CACNA2D4: variants seen among roughly 807,000 people sequenced by gnomAD.
CACNA2D4 encodes the protein voltage-dependent calcium channel subunit alpha-2/delta-4.
In CACNA2D4, 157 loss-of-function variants were observed where a neutral mutation model predicts 163.8. The observed-to-expected ratio is 0.96, with a 90% CI of 0.84 to 1.09. CACNA2D4 has a LOEUF of 1.09. CACNA2D4 is among the 50% of genes least tolerant of loss of function. The probability of loss-of-function intolerance (pLI) is 0.00; values close to 1 mark genes in which losing one functional copy is unlikely to be tolerated. For missense variants in CACNA2D4, 1,410 were observed against 1,479.9 expected (o/e 0.95, Z 0.78); for synonymous variants, 598 against 586.9 (o/e 1.02, Z -0.27).
chr12:1,854,614 C>A (rs1032530227), intron 22 of CACNA2D4, among the ~76,000 whole-genome samples: 1 of 152,146 alleles, frequency 6.6e-6, no homozygotes, highest in Non-Finnish European at 1.5e-5. Context: ...CTATGTTGGC[C>A]AGGCTGATCT....
chr12:1,867,492 C>T (rs939568212), intron 18 of CACNA2D4, among the ~76,000 whole-genome samples: 2 of 152,054 alleles, frequency 1.3e-5, no homozygotes, highest in Non-Finnish European at 2.9e-5. Context: ...GGAAGCCTAT[C>T]CAGTAAAGCT....
chr12:1,904,858 T>C (rs763491678), intron 6 of CACNA2D4, among the ~76,000 whole-genome samples: 1 of 152,052 alleles, frequency 6.6e-6, no homozygotes, highest in Non-Finnish European at 1.5e-5. Flanking sequence ...TTAAGGCTTA[T>C]AGAAAACAAA....
rs1865862637 is a variant in CACNA2D4, at chr12:1,875,392, GT to G, written c.1720-56del. ...TGTGGTCAGTATACGTCCTGCTCAA[GT>G]TTATCTCTTCTACAAAGCCTTTCAG... On this transcript the variant is annotated intron_variant, in intron 16 of 37. Transcript: ENST00000382722. This position sits in a 1 kb window ranked among gnomAD's most constrained non-coding sequence, Gnocchi z 4.0. 1.0e-5 allele frequency: 11 copies of G among 1,095,164 alleles called. No homozygotes were observed. Among genetic ancestry groups the G allele is most frequent in the Non-Finnish European group, 1.4e-6 (1 of 707,580 alleles). The allele number at this position is 1,095,164 out of a possible 1,614,324, so 67.8% of individuals were successfully genotyped here.
Position 1,884,748 on chromosome 12 carries a change from G to T in CACNA2D4, c.1272+20C>A, listed in dbSNP as rs1351388178. On this transcript the variant is annotated intron_variant, in intron 11 of 37. Transcript: ENST00000382722. Reference sequence around the variant, plus strand: ...AGCAGGAGAAGCTTTTTTCTCCCTGGACACCCGTGGGAGGGTCACCTTACA... The same window carrying T: ...AGCAGGAGAAGCTTTTTTCTCCCTGTACACCCGTGGGAGGGTCACCTTACA... 1.4e-5 allele frequency: 22 copies of T among 1,548,546 alleles called. No homozygotes were observed. Among genetic ancestry groups the T allele is most frequent in the Non-Finnish European group, 1.9e-5 (21 of 1,123,634 alleles).
At position 1,840,930 on chromosome 12, in the gene CACNA2D4, T is replaced by C. The variant is rs568555086; in HGVS notation, c.2471-111A>G. ...GGAATAAAAGCAGGCGAAGGCATCC[T>C]TGGAAGAATTGAGGCGAGGGTGGGG... On this transcript the variant is annotated intron_variant, in intron 25 of 37. Transcript: ENST00000382722. The C allele has an allele frequency of 2.5e-5, 23 of 932,478 alleles. 1 individual carries two copies. In the South Asian group the frequency reaches 2.9e-4, roughly 12 times the overall value. The allele number at this position is 932,478 out of a possible 1,614,324, so 57.8% of individuals were successfully genotyped here.
rs77797968 is a variant in CACNA2D4 at position 1,853,316 on chromosome 12, A to C, written c.2246+635T>G. On this transcript the variant is annotated intron_variant, in intron 23 of 37. Transcript: ENST00000382722. ...TTTTCAATAGGAGACTGTCCCTATA[A>C]AATTCTGTAGGTGTTTTTTATTAGG... is the stretch of plus-strand genomic sequence containing the variant. Among the ~76,000 whole-genome samples, 515 of 152,326 alleles carry C rather than the reference A, an allele frequency of 3.4e-3. 2 individuals are homozygous for C. The highest frequency in any genetic ancestry group is 0.022 in the East Asian group (112 of 5,184).
chr12:1,904,652 G>A (rs1866613280), intron 6 of CACNA2D4, among the ~76,000 whole-genome samples: 1 of 152,006 alleles, frequency 6.6e-6, no homozygotes, highest in African/African-American at 2.4e-5. Flanking sequence ...GTATGTTATT[G>A]AAGTTAAGCT....
intron 26 of CACNA2D4, among the ~76,000 whole-genome samples, chr12:1,824,549 G>A (rs1213526702): frequency 1.3e-5 from 2 of 152,216 alleles, no homozygotes; most frequent in Non-Finnish European, 2.9e-5. Context: ...CTAGGACTGG[G>A]TTAGGAGCAG....
chr12:1,846,392 G>T (rs552410760), intron 24 of CACNA2D4, among the ~76,000 whole-genome samples: 1 of 150,922 alleles, frequency 6.6e-6, no homozygotes, highest in African/African-American at 2.5e-5. Context: ...TGTCAATCCC[G>T]ATCCGTAAGC....
At position 1,875,104 on chromosome 12, in the gene CACNA2D4, T is replaced by A; in HGVS notation, c.1806+147A>T. The stretch of plus-strand genomic sequence containing the variant: ...AGAATTGCTCATTTTAGGCATTGCT[T>A]GTGGCTTGAGCTTGGAAAGGCTCTG... On this transcript the variant is annotated intron_variant, in intron 17 of 37. Transcript: ENST00000382722. The surrounding 1 kb of genome is among the most constrained non-coding windows in gnomAD (Gnocchi z 4.0). The A allele has an allele frequency of 1.6e-6, 1 of 635,482 alleles. No homozygotes were observed. The highest frequency in any genetic ancestry group is 2.9e-6 in the Non-Finnish European group (1 of 347,648). 39.4% of individuals were successfully genotyped at this position (635,482 alleles called of 1,614,324 possible).
intron 29 of CACNA2D4, among the ~76,000 whole-genome samples, chr12:1,803,962 G>C (rs1046506085): frequency 1.3e-5 from 2 of 152,212 alleles, no homozygotes; most frequent in African/African-American, 4.8e-5. Flanking sequence ...CGGGACAGCA[G>C]GGAGGGTCAA....
At chr12:1,896,529 A>G (rs1288550636) in intron 6 of CACNA2D4, among the ~76,000 whole-genome samples, 2 of 152,062 alleles carry the variant, frequency 1.3e-5, no homozygotes, top group Non-Finnish European at 1.5e-5. Flanking sequence ...AATGCTCAAT[A>G]TCACGAATCA....
At chr12:1,898,798 G>T (rs946352668) in intron 6 of CACNA2D4, among the ~76,000 whole-genome samples, 33 of 151,970 alleles carry the variant, frequency 2.2e-4, no homozygotes, top group African/African-American at 7.3e-4. Context: ...TGGACCTTAA[G>T]GGCATTATGC....
At chr12:1,842,404 C>G (rs1865045429) in intron 25 of CACNA2D4, among the ~76,000 whole-genome samples, 1 of 152,228 alleles carries the variant, frequency 6.6e-6, no homozygotes, top group Non-Finnish European at 1.5e-5. Flanking sequence ...CTGGAGGCAG[C>G]TCGTCCTCTT....
chr12:1,831,579 C>A, intron 26 of CACNA2D4: 1 of 1,439,952 alleles, frequency 6.9e-7, no homozygotes, highest in Non-Finnish European at 9.6e-7. Flanking sequence ...TCACCTCTGG[C>A]CCCACACTTT....
rs1167275068 is a variant in CACNA2D4, at chr12:1,802,247, G to A, written c.2722-603C>T. 2.6e-5 allele frequency among the ~76,000 whole-genome samples: 4 copies of A among 152,000 alleles called. No homozygotes were observed. Among genetic ancestry groups the A allele is most frequent in the African/African-American group, 7.2e-5 (3 of 41,380 alleles). ...TCCCCTCCATGACAATGACCTAACCGGATCCCTTGCCCTGTCTCCATTGCC... is the reference window on the plus strand; with the variant it reads ...TCCCCTCCATGACAATGACCTAACCAGATCCCTTGCCCTGTCTCCATTGCC... On this transcript the variant is annotated intron_variant, in intron 29 of 37. Coordinates refer to ENST00000382722, the MANE Select transcript of CACNA2D4 (RefSeq NM_172364.5). This position sits in a 1 kb window ranked among gnomAD's most constrained non-coding sequence, Gnocchi z 4.7.
chr12:1,858,426 C>T (rs772195197), intron 20 of CACNA2D4, 151 bp downstream of exon 20: 71 of 652,806 alleles, frequency 1.1e-4, no homozygotes, highest in Non-Finnish European at 1.9e-4. Context: ...CGCCCCTCTC[C>T]ACCTGGCAGC....
At chr12:1,830,896 C>T in intron 26 of CACNA2D4, 3 of 1,526,422 alleles carry the variant, frequency 2.0e-6, no homozygotes, top group South Asian at 2.5e-5. Context: ...GGTGACCCGT[C>T]CTATTGCTTT....
chr12:1,878,612 C>T lies in CACNA2D4; in HGVS notation c.1645-223G>A, dbSNP rs1012031699. 1.3e-4 allele frequency among the ~76,000 whole-genome samples: 19 copies of T among 150,126 alleles called. No individual in the cohort carries two copies. The highest frequency in any genetic ancestry group is 2.5e-4 in the Non-Finnish European group (17 of 67,958). On this transcript the variant is annotated intron_variant, in intron 15 of 37. Transcript: ENST00000382722. The surrounding 1 kb of genome is among the most constrained non-coding windows in gnomAD (Gnocchi z 4.6). The stretch of plus-strand genomic sequence containing the variant: ...GCAACCGTCATCATACATATTATTA[C>T]CTGACTTCTTTACCACCACATGTTC...
Sources: gnomAD v4.1 joint callset for allele counts (sites outside exome capture counted in the v4.1 genomes callset) on GRCh38, gnomAD v4.1.1 for gene constraint, Gnocchi (gnomAD v3.1) non-coding constraint, MANE v1.5 for transcripts, NCBI Gene and HGNC (gene_info 2026-07-23, HGNC 2026-07-21) for gene names.